The following KAZN variants were observed in gnomAD, a reference collection of about 807,000 sequenced individuals.
The protein encoded by KAZN is kazrin, periplakin interacting protein.
Under a neutral mutation model 87.4 loss-of-function variants are expected in KAZN, and 40 were observed. The observed-to-expected ratio is 0.46, with a 90% CI of 0.36 to 0.60. KAZN has a LOEUF of 0.60. Ranked by LOEUF, KAZN falls within the 20% of genes least tolerant of loss-of-function variation. The probability of loss-of-function intolerance (pLI) is 0.00; values close to 1 mark genes in which losing one functional copy is unlikely to be tolerated. For missense variants in KAZN, 898 were observed against 1,073.9 expected, an observed-to-expected ratio of 0.84 and a Z score of 2.29; for synonymous variants, 466 against 458.3, an observed-to-expected ratio of 1.02 and a Z score of -0.22.
intron 2 of KAZN, among the ~76,000 whole-genome samples, chr1:14,563,450 T>G (rs1376445385): frequency 6.6e-6 from 1 of 152,238 alleles, no homozygotes; most frequent in Non-Finnish European, 1.5e-5. Flanking sequence ...GTTCACAACA[T>G]GCTTCTATCA....
intron 2 of KAZN, among the ~76,000 whole-genome samples, chr1:14,997,204 C>CATTT (rs35436643): frequency 0.022 from 2,631 of 120,744 alleles, 32 homozygotes; most frequent in African/African-American, 0.039. Flanking sequence ...TTCTTTCTTT[C>CATTT]ATTTATTTAT....
In KAZN at chr1:14,820,260, A is replaced by G. The variant is rs565434276; in HGVS notation, c.227-140424A>G. ...CCATTAGAGCAATGCTGGATCATCT[A>G]TTCAGCCTACTCTCCCTAACTGTTT... On this transcript the variant is annotated intron_variant, in intron 1 of 14. Transcript: ENST00000376030. The surrounding 1 kb of genome is among the most constrained non-coding windows in gnomAD (Gnocchi z 4.1). Among the ~76,000 whole-genome samples, 6 of 152,296 alleles carry G rather than the reference A, an allele frequency of 3.9e-5. No homozygotes were observed. The highest frequency in any genetic ancestry group is 3.9e-4 in the East Asian group (2 of 5,176).
Position 14,917,869 on chromosome 1 carries a change from C to CCTTCCTTCCTTT in KAZN, c.227-42812_227-42811insCCTTCCTTTCTT, listed in dbSNP as rs879905802. Among the ~76,000 whole-genome samples, 715 of 147,454 alleles carry CCTTCCTTCCTTT rather than the reference C, an allele frequency of 4.8e-3. 1 individual carries two copies. Among genetic ancestry groups the CCTTCCTTCCTTT allele is most frequent in the Non-Finnish European group, 8.1e-3 (549 of 67,576 alleles). On this transcript the variant is annotated intron_variant, in intron 1 of 14. Transcript: ENST00000376030. ...TTCTTTCTTCCTTCCTTCCTTCCTT[C>CCTTCCTTCCTTT]CTTTCTTTCTTTCTTTCTTTCTTTT...
At chr1:14,151,530 T>G (rs1021291631) in intron 1 of KAZN, among the ~76,000 whole-genome samples, 1 of 152,236 alleles carries the variant, frequency 6.6e-6, no homozygotes, top group African/African-American at 2.4e-5. Context: ...TACTATTTAC[T>G]GTGTCTCCAG....
At chr1:15,088,903 C>G (rs142308582) in intron 8 of KAZN, among the ~76,000 whole-genome samples, 3 of 152,146 alleles carry the variant, frequency 2.0e-5, no homozygotes, top group African/African-American at 7.2e-5. Flanking sequence ...ATAAATAATG[C>G]GAGCTGTAAA....
rs778947324 is a variant in KAZN at position 14,133,380 on chromosome 1, AGAAAG to A, written c.92-47054_92-47050del. Among the ~76,000 whole-genome samples the A allele has an allele frequency of 7.0e-4, 15 of 21,524 alleles. 1 individual carries two copies. The highest frequency in any genetic ancestry group is 1.4e-3 in the Non-Finnish European group (15 of 11,058). The allele number at this position is 21,524 out of a possible 152,430, so 14.1% of individuals were successfully genotyped here. A position where few individuals can be genotyped will look rare whatever the true frequency, so the allele number is the denominator to read the frequency against. On this transcript the variant is annotated intron_variant, in intron 1 of 16. Coordinates refer to the KAZN transcript ENST00000636203. ...GACTCCCTCTCAAAAAAAAAAAAAAAGAAAGAAAGAAAGAAAGAAAGAAAGAAAGA... is the reference window on the plus strand; with the variant it reads ...GACTCCCTCTCAAAAAAAAAAAAAAAAAAGAAAGAAAGAAAGAAAGAAAGA...
chr1:14,120,685 G>A (rs1644733719), intron 1 of KAZN, among the ~76,000 whole-genome samples: 1 of 152,124 alleles, frequency 6.6e-6, no homozygotes, highest in African/African-American at 2.4e-5. Context: ...ATTCTTTGGA[G>A]GGGATTGGCA....
chr1:14,010,901 A>G (rs1288447033), intron 1 of KAZN, among the ~76,000 whole-genome samples: 1 of 152,178 alleles, frequency 6.6e-6, no homozygotes, highest in East Asian at 1.9e-4. Flanking sequence ...ACTCTTTGCC[A>G]ATGGCAGAAA....
At chr1:14,594,099 T>C (rs1174716198), upstream of KAZN, among the ~76,000 whole-genome samples, 1 of 152,214 alleles carries the variant, frequency 6.6e-6, no homozygotes, top group Non-Finnish European at 1.5e-5. Context: ...CATTCAATCA[T>C]AGAGTAGGGC....
At chr1:14,385,248 C>G (rs537602752) in intron 2 of KAZN, among the ~76,000 whole-genome samples, 1 of 152,008 alleles carries the variant, frequency 6.6e-6, no homozygotes, top group South Asian at 2.1e-4. Context: ...TTTTGTTGAT[C>G]CTTTCAAAAA....
chr1:14,364,666 A>G (rs940054280), intron 2 of KAZN, among the ~76,000 whole-genome samples: 1 of 152,176 alleles, frequency 6.6e-6, no homozygotes, highest in Admixed American at 6.5e-5. Flanking sequence ...TGTACCACAA[A>G]CTGGGTGACT....
Position 15,104,099 on chromosome 1 carries a change from C to G in KAZN, c.1958C>G (p.Ala653Gly), listed in dbSNP as rs751457511. The G allele has an allele frequency of 6.2e-7, 1 of 1,612,782 alleles. No homozygotes were observed. The highest frequency in any genetic ancestry group is 1.7e-5 in the Admixed American group (1 of 59,896). ...LVLEPTFNAE[A>G]MATALGIPSG... is the part of the protein sequence containing the mutation. ...CTGGAGCCCACATTCAATGCCGAGG[C>G]CATGGCCACTGCCCTGGGCATCCCC... Residue 653 changes from alanine (A) to glycine (G), a missense_variant, in exon 13 of 15, where the codon GCC becomes GGC. Physicochemically the swap from Ala to Gly is moderately conservative, Grantham distance 60. This residue lies in a region of KAZN where 521 missense variants were observed against 689.4 expected (regional missense o/e 0.76). Transcript: ENST00000376030.
chr1:14,468,357 G>A (rs1022011248), intron 2 of KAZN, among the ~76,000 whole-genome samples: 1 of 152,134 alleles, frequency 6.6e-6, no homozygotes. Context: ...TCTGCATCAG[G>A]CCCCTTTATA....
At chr1:15,079,460 T>C (rs1161364448) in intron 8 of KAZN, among the ~76,000 whole-genome samples, 3 of 152,282 alleles carry the variant, frequency 2.0e-5, no homozygotes, top group Admixed American at 6.5e-5. Flanking sequence ...TTTTTTTTTT[T>C]AGTGAAACCC....
At chr1:14,450,527 T>A (rs1479046275) in intron 2 of KAZN, among the ~76,000 whole-genome samples, 1 of 151,882 alleles carries the variant, frequency 6.6e-6, no homozygotes. Context: ...GAGGCAGAGG[T>A]TGCAGTGAGT....
At chr1:14,661,943 G>A (rs999512320) in intron 1 of KAZN, among the ~76,000 whole-genome samples, 2 of 152,122 alleles carry the variant, frequency 1.3e-5, no homozygotes, top group Admixed American at 6.6e-5. Flanking sequence ...TGCTGAAGTC[G>A]GATAGGCCTG....
intron 1 of KAZN, among the ~76,000 whole-genome samples, chr1:14,905,621 G>A (rs565176451): frequency 3.3e-4 from 51 of 152,256 alleles, no homozygotes; most frequent in African/African-American, 1.1e-3. Context: ...TGAGGAGGGC[G>A]GATCACAAGG....
chr1:14,459,976 G>A lies in KAZN; in HGVS notation c.250-139007G>A, dbSNP rs186156751. Reference sequence around the variant, plus strand: ...AATAAATACTTAACTAGTAGAGTAAGCTTTAGGCAGGTGATACCGTCAGAG... The same window carrying A: ...AATAAATACTTAACTAGTAGAGTAAACTTTAGGCAGGTGATACCGTCAGAG... On this transcript the variant is annotated intron_variant, in intron 2 of 16. Coordinates refer to the KAZN transcript ENST00000636203. Among the ~76,000 whole-genome samples, 715 of 152,224 alleles carry A rather than the reference G, an allele frequency of 4.7e-3. 6 individuals are homozygous for A. The highest frequency in any genetic ancestry group is 0.016 in the African/African-American group (685 of 41,528).
At chr1:14,870,149 G>A (rs1214535960) in intron 1 of KAZN, among the ~76,000 whole-genome samples, 1 of 152,106 alleles carries the variant, frequency 6.6e-6, no homozygotes, top group Non-Finnish European at 1.5e-5. Context: ...CGACTGCTGG[G>A]GAGATTCCTT....
Sources: gnomAD v4.1 joint callset for allele counts (sites outside exome capture counted in the v4.1 genomes callset) on GRCh38, gnomAD v4.1.1 for gene constraint, gnomAD v4.1.1 regional missense constraint, Gnocchi (gnomAD v3.1) non-coding constraint, MANE v1.5 for transcripts, NCBI Gene and HGNC (gene_info 2026-07-23, HGNC 2026-07-21) for gene names.